MYT1L: variants seen among roughly 807,000 people sequenced by gnomAD.
The protein encoded by MYT1L is myelin transcription factor 1 like, also known as myelin transcription factor 1-like protein.
A neutral mutation model predicts 126.7 loss-of-function variants in MYT1L; 12 were observed. That is an observed-to-expected ratio of 0.09 (90% confidence interval 0.06 to 0.15). The LOEUF (loss-of-function observed/expected upper bound fraction) is 0.15, where lower values mean the gene tolerates loss of function less well. Among genes scored for constraint, MYT1L ranks in the 10% least tolerant of loss-of-function variants. The pLI is 1.00. For missense variants in MYT1L, 979 were observed against 1,585.2 expected, an observed-to-expected ratio of 0.62 and a Z score of 6.49; for synonymous variants, 541 against 604.2, an observed-to-expected ratio of 0.90 and a Z score of 1.53.
At chr2:1,946,200 G>C (rs761877976) in intron 8 of MYT1L, among the ~76,000 whole-genome samples, 7 of 151,966 alleles carry the variant, frequency 4.6e-5, no homozygotes, top group Non-Finnish European at 1.0e-4. Context: ...AATGCCTGAT[G>C]ATCTGTCACT....
intron 8 of MYT1L, among the ~76,000 whole-genome samples, chr2:1,970,209 G>A (rs2059703484): frequency 6.6e-6 from 1 of 152,140 alleles, no homozygotes; most frequent in African/African-American, 2.4e-5. Context: ...ATTACTGCCC[G>A]CTCTCCTCAA....
intron 21 of MYT1L, chr2:1,828,204 C>A (rs4414709): frequency 0.45 from 68,346 of 151,880 alleles, 17,624 homozygotes; most frequent in African/African-American, 0.71. Context: ...AGAGAGCATG[C>A]AGGCGTCCTG....
intron 2 of MYT1L, among the ~76,000 whole-genome samples, chr2:2,261,229 G>T (rs918204120): frequency 6.6e-5 from 10 of 151,790 alleles, no homozygotes; most frequent in African/African-American, 2.4e-4. Flanking sequence ...CAATTTCTTT[G>T]CATTTTGTTG....
At chr2:1,872,928 C>CAG (rs10638720) in intron 18 of MYT1L, among the ~76,000 whole-genome samples, 48,790 of 151,726 alleles carry the variant, frequency 0.32, 9,656 homozygotes, top group African/African-American at 0.57. Flanking sequence ...ATGGGGAAAA[C>CAG]AGAGGTTAAG....
chr2:2,286,183 A>G (rs1338666932), intron 1 of MYT1L, among the ~76,000 whole-genome samples: 1 of 152,064 alleles, frequency 6.6e-6, no homozygotes, highest in Admixed American at 6.6e-5. Context: ...GGGTTTCACC[A>G]TGTTGGTCAG....
intron 3 of MYT1L, among the ~76,000 whole-genome samples, chr2:2,091,574 T>C (rs1256856153): frequency 6.6e-6 from 1 of 152,208 alleles, no homozygotes; most frequent in East Asian, 1.9e-4. Flanking sequence ...CCAGCTGTGT[T>C]GGCCCCTAAG....
chr2:2,061,053 A>G (rs1484245979), intron 3 of MYT1L, among the ~76,000 whole-genome samples: 1 of 152,178 alleles, frequency 6.6e-6, no homozygotes, highest in Non-Finnish European at 1.5e-5. Context: ...AAAGAATCAG[A>G]GAAATAGTGA....
intron 9 of MYT1L, among the ~76,000 whole-genome samples, chr2:1,924,796 G>C (rs1222711464): frequency 6.6e-6 from 1 of 152,034 alleles, no homozygotes; most frequent in African/African-American, 2.4e-5. Flanking sequence ...TATTCCCCAA[G>C]AGCAGCAAAA....
At chr2:2,048,210 C>T (rs946149674) in intron 4 of MYT1L, among the ~76,000 whole-genome samples, 2 of 151,844 alleles carry the variant, frequency 1.3e-5, no homozygotes, top group Non-Finnish European at 2.9e-5. Context: ...GCCCACTCCA[C>T]GGTCTTCCAA....
At position 1,889,307 on chromosome 2, in the gene MYT1L, G is replaced by A; in HGVS notation, c.2454C>T (p.Asp818=). 1 of 1,613,894 alleles carries A rather than the reference G, an allele frequency of 6.2e-7. No homozygotes were observed. The highest frequency in any genetic ancestry group is 8.5e-7 in the Non-Finnish European group (1 of 1,179,886). The part of the protein sequence containing the change: ...CFQLGEGDCW[D]LPVDYTKMKP... ...TCATTTTGGTGTAGTCTACGGGCAA[G>A]TCCCAGCAGTCGCCCTCGCCCAGCT... The change falls in exon 16 of 25, where the codon GAC becomes GAT. Residue 818 remains aspartate (D), a synonymous_variant. Transcript: ENST00000647738. This position sits in a 1 kb window ranked among gnomAD's most constrained non-coding sequence, Gnocchi z 4.1.
intron 5 of MYT1L, among the ~76,000 whole-genome samples, chr2:1,989,217 C>T (rs1574272833): frequency 6.6e-6 from 1 of 152,120 alleles, no homozygotes; most frequent in East Asian, 1.9e-4. Context: ...TCACAGTCTC[C>T]TTTAATTCAA....
chr2:2,165,026 TCAAGGCCTGC>T (rs1379512922), intron 3 of MYT1L, among the ~76,000 whole-genome samples: 3 of 152,142 alleles, frequency 2.0e-5, no homozygotes, highest in African/African-American at 7.2e-5. Flanking sequence ...TAAGGGGCAG[TCAAGGCCTGC>T]CAGCTGCTTT....
At chr2:1,966,632 T>C (rs553661882) in intron 8 of MYT1L, among the ~76,000 whole-genome samples, 184 of 152,340 alleles carry the variant, frequency 1.2e-3, no homozygotes, top group Admixed American at 3.5e-3. Flanking sequence ...AATATGGAGA[T>C]GTTTTATGAA....
rs566909768 is a variant in MYT1L, at chr2:2,013,871, C to T, written c.-157-16524G>A. Among the ~76,000 whole-genome samples, 96 of 152,342 alleles carry T rather than the reference C, an allele frequency of 6.3e-4. 1 individual carries two copies. Among genetic ancestry groups the T allele is most frequent in the Non-Finnish European group, 1.2e-3 (84 of 68,030 alleles). On this transcript the variant is annotated intron_variant, in intron 4 of 24. Transcript: ENST00000647738. ...CTGCACGGAGGCCTGCGTCCGCACC[C>T]GGGCAGTTTGGTTTAAGGTCATAGG...
intron 4 of MYT1L, among the ~76,000 whole-genome samples, chr2:2,004,142 C>T (rs1156923560): frequency 6.7e-6 from 1 of 149,332 alleles, no homozygotes; most frequent in Non-Finnish European, 1.5e-5. Context: ...TTCTTTCCTG[C>T]ATACGTTCTT....
intron 18 of MYT1L, among the ~76,000 whole-genome samples, chr2:1,884,443 G>C (rs955945088): frequency 1.3e-5 from 2 of 152,230 alleles, no homozygotes; most frequent in Non-Finnish European, 2.9e-5. Context: ...CCACTCAACA[G>C]ATCTTGCTGA....
chr2:2,163,448 G>A (rs1348046650), intron 3 of MYT1L, among the ~76,000 whole-genome samples: 3 of 152,066 alleles, frequency 2.0e-5, no homozygotes, highest in African/African-American at 7.2e-5. Flanking sequence ...AAAACAGGCC[G>A]GGCGCAGTGG....
Position 2,331,213 on chromosome 2 carries a change from C to T in MYT1L, c.-767G>A, listed in dbSNP as rs2096282208. ...ACCCACCAACAATGAGCAAAAAACC[C>T]GGGGTGCTTCAACAAGACTGCAGGG... is the stretch of plus-strand genomic sequence containing the variant. On this transcript the variant is annotated 5_prime_UTR_variant, in exon 1 of 25. Transcript: ENST00000647738. The T allele has an allele frequency of 1.3e-5, 2 of 151,958 alleles. No homozygotes were observed. The highest frequency in any genetic ancestry group is 6.5e-5 in the Admixed American group (1 of 15,268). The allele number at this position is 151,958 out of a possible 1,614,324, so 9.4% of individuals were successfully genotyped here.
intron 3 of MYT1L, among the ~76,000 whole-genome samples, chr2:2,146,699 A>C (rs1009398201): frequency 2.6e-5 from 4 of 152,210 alleles, no homozygotes; most frequent in Non-Finnish European, 5.9e-5. Context: ...CACAGTGAAC[A>C]ATTTCCTATT....
Sources: allele counts gnomAD v4.1 joint callset (sites outside exome capture counted in the v4.1 genomes callset), GRCh38; gene constraint gnomAD v4.1.1; non-coding constraint Gnocchi (gnomAD v3.1); transcripts MANE v1.5; gene names NCBI Gene and HGNC (gene_info 2026-07-23, HGNC 2026-07-21).